IBSP: variants seen among roughly 807,000 people sequenced by gnomAD.
The protein encoded by IBSP is integrin binding sialoprotein.
A neutral mutation model predicts 25.5 loss-of-function variants in IBSP; 19 were observed. That is an observed-to-expected ratio of 0.74 (90% CI 0.52 to 1.09). The LOEUF is 1.09. Ranked by LOEUF, IBSP falls within the 50% of genes least tolerant of loss-of-function variation. The pLI is 0.00. For missense variants in IBSP, 360 were observed against 382.3 expected (o/e 0.94, Z 0.49); for synonymous variants, 144 against 137.6 (o/e 1.05, Z -0.33).
At chr4:87,810,856 AAGGG>A in intron 6 of IBSP, 92 bp downstream of exon 6, 1 of 1,103,232 alleles carries the variant, frequency 9.1e-7, no homozygotes. Context: ...ACTGGAGTCT[AAGGG>A]TATCCTAACA....
chr4:87,811,735 A>AG lies in IBSP; in HGVS notation c.784dup (p.Glu262GlyfsTer9), dbSNP rs1292598533. 5 of 1,613,930 alleles carry AG rather than the reference A, an allele frequency of 3.1e-6. No individual in the cohort carries two copies. Among genetic ancestry groups the AG allele is most frequent in the African/African-American group, 1.3e-5 (1 of 74,882 alleles). ...GGGAAAACCACCACCGTTGAATACG[A>AG]GGGGGAGTACGAATACACGGGCGCC... On this transcript the variant is annotated frameshift_variant, in exon 7 of 7. Coordinates refer to ENST00000226284, the MANE Select transcript of IBSP (RefSeq NM_004967.4). LOFTEE classifies it high-confidence loss of function.
At chr4:87,810,116 G>A (rs1268735806) in intron 5 of IBSP, among the ~76,000 whole-genome samples, 2 of 151,998 alleles carry the variant, frequency 1.3e-5, no homozygotes, top group African/African-American at 4.8e-5. Flanking sequence ...CTCAGTTGCT[G>A]GGGAGGCTGA....
intron 1 of IBSP, among the ~76,000 whole-genome samples, chr4:87,799,836 C>A (rs1003815035): frequency 5.3e-5 from 8 of 152,118 alleles, no homozygotes; most frequent in Non-Finnish European, 1.0e-4. Flanking sequence ...TAAATAAGTT[C>A]TTAATACTAT....
intron 5 of IBSP, among the ~76,000 whole-genome samples, chr4:87,807,308 G>A (rs978187329): frequency 6.6e-6 from 1 of 152,118 alleles, no homozygotes; most frequent in African/African-American, 2.4e-5. Context: ...ATTCAAAAAT[G>A]GATCATGTAT....
chr4:87,808,411 G>C (rs1722121318), intron 5 of IBSP, among the ~76,000 whole-genome samples: 1 of 152,082 alleles, frequency 6.6e-6, no homozygotes, highest in Non-Finnish European at 1.5e-5. Context: ...TTGATCTCCT[G>C]ACCTCGTGAT....
At chr4:87,808,687 G>A (rs1722126627) in intron 5 of IBSP, among the ~76,000 whole-genome samples, 1 of 152,042 alleles carries the variant, frequency 6.6e-6, no homozygotes, top group Non-Finnish European at 1.5e-5. Flanking sequence ...GCCTGTTTTT[G>A]TATATTATGA....
chr4:87,808,804 A>G (rs376056435), intron 5 of IBSP, among the ~76,000 whole-genome samples: 4 of 152,198 alleles, frequency 2.6e-5, no homozygotes, highest in African/African-American at 9.7e-5. Context: ...TCTCATTGTT[A>G]GTATTTCATT....
Position 87,811,908 on chromosome 4 carries a change from T to C in IBSP, c.952T>C (p.Ter318ArgextTer6). The C allele has an allele frequency of 6.6e-7, 1 of 1,516,212 alleles. No individual in the cohort carries two copies. The highest frequency in any genetic ancestry group is 2.3e-5 in the East Asian group (1 of 43,672). 93.9% of individuals were successfully genotyped at this position (1,516,212 alleles called of 1,614,324 possible). A position where few individuals can be genotyped will look rare whatever the true frequency, so the allele number is the denominator to read the frequency against. ...TGGTCAGAATTACTACCACCACCAGTGAAGCTCCAGCCTGGGATGAATTCA... is the reference window on the plus strand; with the variant it reads ...TGGTCAGAATTACTACCACCACCAGCGAAGCTCCAGCCTGGGATGAATTCA... ...YDGQNYYHHQ[*>R] Residue 318 changes from the stop codon to arginine (R), a stop_lost, in exon 7 of 7, where the codon TGA (stop) becomes CGA (arginine). Transcript: ENST00000226284.
intron 4 of IBSP, among the ~76,000 whole-genome samples, chr4:87,803,647 T>G (rs987552494): frequency 1.3e-5 from 2 of 152,288 alleles, no homozygotes; most frequent in African/African-American, 4.8e-5. Flanking sequence ...TACCATATGT[T>G]GGGCTAATCC....
At position 87,811,736 on chromosome 4, in the gene IBSP, G is replaced by A. The variant is rs780337894; in HGVS notation, c.780G>A (p.Glu260=). The A allele has an allele frequency of 9.9e-6, 16 of 1,613,886 alleles. No homozygotes were observed. The Admixed American group carries it at 2.3e-4, about 24-fold the overall frequency. The change falls in exon 7 of 7, where the codon GAG becomes GAA. Residue 260 remains glutamate (E), a synonymous_variant. Coordinates refer to ENST00000226284, the MANE Select transcript of IBSP (RefSeq NM_004967.4). The part of the protein sequence containing the change: ...PFGKTTTVEY[E]GEYEYTGANE... ...GGAAAACCACCACCGTTGAATACGA[G>A]GGGGAGTACGAATACACGGGCGCCA... is the stretch of plus-strand genomic sequence containing the variant.
At chr4:87,810,801 A>T (rs777562986) in intron 6 of IBSP, 37 bp downstream of exon 6, 1 of 1,575,438 alleles carries the variant, frequency 6.3e-7, no homozygotes, top group Non-Finnish European at 8.7e-7. Flanking sequence ...TGAAATTATT[A>T]CCATTAATAA....
At position 87,811,872 on chromosome 4, in the gene IBSP, G is replaced by T. The variant is rs369608687; in HGVS notation, c.916G>T (p.Asp306Tyr). ...CAGCTACTTTAAAGGACAAGGCTAC[G>T]ATGGCTATGATGGTCAGAATTACTA... ...EYSYFKGQGY[D>Y]GYDGQNYYHH... Residue 306 changes from aspartate (D) to tyrosine (Y), a missense_variant, in exon 7 of 7, where the codon GAT becomes TAT. Physicochemically the swap from Asp to Tyr is radical, Grantham distance 160. Coordinates refer to ENST00000226284, the MANE Select transcript of IBSP (RefSeq NM_004967.4). 2 of 1,543,236 alleles carry T rather than the reference G, an allele frequency of 1.3e-6. No individual in the cohort carries two copies. The highest frequency in any genetic ancestry group is 2.5e-5 in the South Asian group (2 of 79,002).
chr4:87,801,186 C>T (rs1722009326), intron 1 of IBSP, among the ~76,000 whole-genome samples: 3 of 152,042 alleles, frequency 2.0e-5, no homozygotes, highest in Admixed American at 6.6e-5. Flanking sequence ...GCTGCATCTT[C>T]GATTGTTCCA....
intron 1 of IBSP, among the ~76,000 whole-genome samples, chr4:87,801,437 G>T (rs2110055577): frequency 6.7e-6 from 1 of 150,256 alleles, no homozygotes; most frequent in South Asian, 2.1e-4. Flanking sequence ...ATATATTATG[G>T]ATCCTCTCTG....
chr4:87,800,412 T>A (rs1172934286), intron 1 of IBSP, among the ~76,000 whole-genome samples: 1 of 152,200 alleles, frequency 6.6e-6, no homozygotes, highest in Non-Finnish European at 1.5e-5. Context: ...TTTCTATAAT[T>A]CTATGTATCT....
intron 4 of IBSP, among the ~76,000 whole-genome samples, chr4:87,803,135 A>T (rs1236342958): frequency 6.6e-6 from 1 of 152,188 alleles, no homozygotes; most frequent in Non-Finnish European, 1.5e-5. Flanking sequence ...GTGGCACTGC[A>T]GAGTCCTTTA....
intron 5 of IBSP, among the ~76,000 whole-genome samples, chr4:87,807,382 A>C (rs922874014): frequency 1.3e-5 from 2 of 152,126 alleles, no homozygotes. Flanking sequence ...TTAGTTTGGT[A>C]TATTTTTAAC....
At chr4:87,802,234 G>A in intron 1 of IBSP, 114 bp from the exon 2 acceptor site, 1 of 629,972 alleles carries the variant, frequency 1.6e-6, no homozygotes. Flanking sequence ...ATTAGTCAAA[G>A]TGATAATTAC....
At chr4:87,799,825 G>C (rs189771489) in intron 1 of IBSP, among the ~76,000 whole-genome samples, 192 bp downstream of exon 1, 20 of 152,252 alleles carry the variant, frequency 1.3e-4, no homozygotes, top group African/African-American at 4.8e-4. Context: ...ACCTAAGCAT[G>C]TAAATAAGTT....
Sources: allele counts gnomAD v4.1 joint callset (sites outside exome capture counted in the v4.1 genomes callset), GRCh38; gene constraint gnomAD v4.1.1; transcripts MANE v1.5; gene names NCBI Gene and HGNC (gene_info 2026-07-23, HGNC 2026-07-21).